Variants in FRMD6 observed in about 807,000 individuals in gnomAD.
FRMD6 encodes FERM domain containing 6, also known as FERM domain-containing protein 6.
In FRMD6, 37 loss-of-function variants were observed where a neutral mutation model predicts 73.2. That is an observed-to-expected ratio of 0.51 (90% CI 0.39 to 0.66). The LOEUF is 0.66. Among genes scored for constraint, FRMD6 ranks in the 30% least tolerant of loss-of-function variants. The probability of loss-of-function intolerance (pLI) is 0.00; values close to 1 mark genes in which losing one functional copy is unlikely to be tolerated. For missense variants in FRMD6, 714 were observed against 780.5 expected, an observed-to-expected ratio of 0.91 and a Z score of 1.02; for synonymous variants, 273 against 282.2, an observed-to-expected ratio of 0.97 and a Z score of 0.33.
the FRMD6 span, among the ~76,000 whole-genome samples, chr14:51,448,581 G>T: frequency 6.6e-6 from 1 of 152,182 alleles, no homozygotes; most frequent in East Asian, 1.9e-4. Flanking sequence ...ATATAAGTTA[G>T]TTACCCATTG....
At chr14:51,534,545 C>T (rs188932028) in intron 1 of FRMD6, among the ~76,000 whole-genome samples, 30 of 152,242 alleles carry the variant, frequency 2.0e-4, no homozygotes, top group East Asian at 1.9e-3. Context: ...TAAATATCAC[C>T]GTCTCTCTCT....
At chr14:51,430,011 A>G in the FRMD6 span, among the ~76,000 whole-genome samples, 7 of 152,192 alleles carry the variant, frequency 4.6e-5, no homozygotes, top group Non-Finnish European at 8.8e-5. Flanking sequence ...ATGTACGCCC[A>G]TTTTAAATGC....
intron 2 of FRMD6, among the ~76,000 whole-genome samples, chr14:51,697,495 T>C (rs1312337388): frequency 6.6e-6 from 1 of 151,678 alleles, no homozygotes; most frequent in African/African-American, 2.4e-5. Context: ...GACTGAGGAG[T>C]TAGGGGGACT....
At chr14:51,695,042 A>T (rs1304213355) in intron 2 of FRMD6, among the ~76,000 whole-genome samples, 1 of 151,768 alleles carries the variant, frequency 6.6e-6, no homozygotes, top group Non-Finnish European at 1.5e-5. Flanking sequence ...GGCTGCATGG[A>T]GGAAATATAT....
At chr14:51,476,746 C>G in the FRMD6 span, among the ~76,000 whole-genome samples, 6 of 152,212 alleles carry the variant, frequency 3.9e-5, no homozygotes, top group Non-Finnish European at 8.8e-5. Context: ...TTTGGTATCC[C>G]TTAAGAAAAC....
At chr14:51,505,500 C>T (rs1883907548) in intron 1 of FRMD6, among the ~76,000 whole-genome samples, 1 of 152,086 alleles carries the variant, frequency 6.6e-6, no homozygotes, top group Non-Finnish European at 1.5e-5. Context: ...GGGTATCATG[C>T]TTGGATGGAG....
intron 11 of FRMD6, among the ~76,000 whole-genome samples, chr14:51,720,831 G>A (rs549900361): frequency 1.3e-5 from 2 of 152,284 alleles, no homozygotes; most frequent in South Asian, 4.2e-4. Flanking sequence ...TTTTTCTGAA[G>A]CGCCTCCCAT....
intron 7 of FRMD6, among the ~76,000 whole-genome samples, chr14:51,708,723 A>C (rs1178389652): frequency 4.6e-5 from 7 of 152,074 alleles, no homozygotes; most frequent in African/African-American, 1.7e-4. Flanking sequence ...TTTAATCCTC[A>C]TAACTTTATA....
chr14:51,402,380 G>A, the FRMD6 span, among the ~76,000 whole-genome samples: 3 of 152,176 alleles, frequency 2.0e-5, no homozygotes, highest in Admixed American at 6.5e-5. Context: ...CCCAGTGGGA[G>A]ATGATTGAAT....
At chr14:51,523,712 A>G (rs1566792012) in intron 1 of FRMD6, among the ~76,000 whole-genome samples, 1 of 152,182 alleles carries the variant, frequency 6.6e-6, no homozygotes, top group South Asian at 2.1e-4. Flanking sequence ...TAACTCATGC[A>G]TAGGTCAAGG....
At chr14:51,526,282 C>T (rs1885253039) in intron 1 of FRMD6, among the ~76,000 whole-genome samples, 2 of 152,174 alleles carry the variant, frequency 1.3e-5, no homozygotes, top group Admixed American at 6.5e-5. Flanking sequence ...TCTCCTCACC[C>T]TTATCACCTC....
chr14:51,523,224 T>A (rs1885043576), intron 1 of FRMD6, among the ~76,000 whole-genome samples: 1 of 152,148 alleles, frequency 6.6e-6, no homozygotes, highest in South Asian at 2.1e-4. Context: ...GAATGAAAAA[T>A]AATGTTTTTC....
chr14:51,476,478 T>G, the FRMD6 span, among the ~76,000 whole-genome samples: 2 of 152,188 alleles, frequency 1.3e-5, no homozygotes, highest in Non-Finnish European at 2.9e-5. Flanking sequence ...CAGTTTACTC[T>G]TTATACCTGC....
intron 1 of FRMD6, among the ~76,000 whole-genome samples, chr14:51,504,117 T>C (rs59489694): frequency 0.018 from 2,747 of 152,268 alleles, 83 homozygotes; most frequent in African/African-American, 0.063. Flanking sequence ...TATTCTTCTT[T>C]ATTAGTCTAG....
At chr14:51,678,487 G>C (rs1894549311) in intron 1 of FRMD6, among the ~76,000 whole-genome samples, 1 of 152,172 alleles carries the variant, frequency 6.6e-6, no homozygotes, top group African/African-American at 2.4e-5. Flanking sequence ...CTAATATGCA[G>C]AAAATATTCA....
intron 11 of FRMD6, among the ~76,000 whole-genome samples, chr14:51,721,182 A>C (rs976895562): frequency 6.6e-6 from 1 of 152,226 alleles, no homozygotes; most frequent in African/African-American, 2.4e-5. Flanking sequence ...CTTTGGTATC[A>C]GGCAAAGGGC....
chr14:51,592,978 G>C (rs1271034505), intron 2 of FRMD6, among the ~76,000 whole-genome samples: 2 of 152,182 alleles, frequency 1.3e-5, no homozygotes, highest in Non-Finnish European at 2.9e-5. Flanking sequence ...ATCTGAGTCA[G>C]CTCAGTCTTT....
At chr14:51,644,237 A>C (rs2140044147) in intron 2 of FRMD6, among the ~76,000 whole-genome samples, 1 of 152,284 alleles carries the variant, frequency 6.6e-6, no homozygotes, top group Middle Eastern at 3.4e-3. Context: ...AAGGCTTCTT[A>C]AGGGATAGAT....
intron 1 of FRMD6, among the ~76,000 whole-genome samples, chr14:51,495,609 A>T (rs1394811036): frequency 6.6e-6 from 1 of 152,146 alleles, no homozygotes. Context: ...CCTCTCCAAA[A>T]GCTTTGGGGG....
Sources: gnomAD v4.1 joint callset for allele counts (sites outside exome capture counted in the v4.1 genomes callset) on GRCh38, gnomAD v4.1.1 for gene constraint, MANE v1.5 for transcripts, NCBI Gene and HGNC (gene_info 2026-07-23, HGNC 2026-07-21) for gene names.